The following TFDP2 variants were observed in gnomAD, a reference collection of about 807,000 sequenced individuals.
TFDP2 encodes the protein transcription factor Dp-2.
Under a neutral mutation model 59.3 loss-of-function variants are expected in TFDP2, and 17 were observed. The ratio of observed to expected loss-of-function variants is 0.29; its 90% confidence interval spans 0.20 to 0.43. The LOEUF is 0.43. Ranked by LOEUF, TFDP2 falls within the 20% of genes least tolerant of loss-of-function variation. The pLI, the probability that TFDP2 is intolerant of heterozygous loss-of-function variation, is 1.00. For missense variants in TFDP2, 391 were observed against 528.8 expected (o/e 0.74, Z 2.56); for synonymous variants, 180 against 194.7 (o/e 0.92, Z 0.63).
chr3:142,100,792 G>GGACA (rs758468068), intron 2 of TFDP2, among the ~76,000 whole-genome samples: 11 of 152,108 alleles, frequency 7.2e-5, no homozygotes, highest in Non-Finnish European at 1.3e-4. Flanking sequence ...AAGATGATTT[G>GGACA]GACAGACAGA....
At chr3:142,107,254 C>T (rs1187825947) in intron 1 of TFDP2, among the ~76,000 whole-genome samples, 2 of 146,908 alleles carry the variant, frequency 1.4e-5, no homozygotes, top group Non-Finnish European at 3.0e-5. Context: ...TTTTTCGAGA[C>T]GGAGTCTTGC....
At chr3:142,026,330 C>CAA (rs367909508) in intron 3 of TFDP2, among the ~76,000 whole-genome samples, 2 of 150,342 alleles carry the variant, frequency 1.3e-5, no homozygotes, top group Middle Eastern at 3.5e-3. Flanking sequence ...AAAAAAACAA[C>CAA]AAAAAAAAAC....
chr3:142,013,905 T>C (rs1944917844), intron 3 of TFDP2, among the ~76,000 whole-genome samples: 2 of 152,336 alleles, frequency 1.3e-5, no homozygotes, highest in Admixed American at 6.5e-5. Context: ...TAACTTTTTT[T>C]TCATGGCACA....
At position 141,950,015 on chromosome 3, in the gene TFDP2, CA is replaced by C. The variant is rs1258445300; in HGVS notation, c.*2497del. The C allele has an allele frequency of 4.6e-5, 7 of 151,990 alleles. No individual in the cohort carries two copies. Among genetic ancestry groups the C allele is most frequent in the South Asian group, 2.1e-4 (1 of 4,812 alleles). 9.4% of individuals were successfully genotyped at this position (151,990 alleles called of 1,614,324 possible). On this transcript the variant is annotated 3_prime_UTR_variant, in exon 13 of 13. Coordinates refer to ENST00000489671, the MANE Select transcript of TFDP2 (RefSeq NM_001178139.2). ...AGAGACAGGGTTTTGTCATGTTGCCCAGGCTGGTCTTGAACTCCTGAGCTCA... is the reference window on the plus strand; with the variant it reads ...AGAGACAGGGTTTTGTCATGTTGCCCGGCTGGTCTTGAACTCCTGAGCTCA...
chr3:142,134,832 T>C lies in TFDP2; in HGVS notation c.-93+14351A>G, dbSNP rs543112454. On this transcript the variant is annotated intron_variant, in intron 1 of 12. Transcript: ENST00000489671. ...AACAGTTTGTCAGAACACTTTATTA[T>C]ATACCTACAGTTAAGCAAAAAGAAA... Among the ~76,000 whole-genome samples, 4 of 152,182 alleles carry C rather than the reference T, an allele frequency of 2.6e-5. No individual in the cohort carries two copies. The East Asian group carries it at 7.7e-4, about 29-fold the overall frequency.
intron 3 of TFDP2, among the ~76,000 whole-genome samples, chr3:142,025,641 T>C (rs1306887137): frequency 6.6e-6 from 1 of 152,254 alleles, no homozygotes; most frequent in Non-Finnish European, 1.5e-5. Context: ...AAAAGTTCTT[T>C]AGGCAAATCT....
intron 3 of TFDP2, among the ~76,000 whole-genome samples, chr3:142,011,883 G>A (rs1944735969): frequency 6.6e-6 from 1 of 152,138 alleles, no homozygotes; most frequent in African/African-American, 2.4e-5. Flanking sequence ...AGGGAATACT[G>A]TAGAGCCTTT....
chr3:142,143,342 G>A (rs1239414782), intron 1 of TFDP2, among the ~76,000 whole-genome samples: 5 of 152,172 alleles, frequency 3.3e-5, no homozygotes, highest in African/African-American at 9.7e-5. Flanking sequence ...ATTGGTCTGG[G>A]CAAGAATTTC....
intron 3 of TFDP2, among the ~76,000 whole-genome samples, chr3:142,006,314 G>A (rs1944204546): frequency 6.6e-6 from 1 of 152,070 alleles, no homozygotes; most frequent in African/African-American, 2.4e-5. Context: ...TATCAAAGGA[G>A]ATCATCCATG....
Position 141,978,434 on chromosome 3 carries a change from T to C in TFDP2, c.519+86A>G, listed in dbSNP as rs990353704. 4.5e-6 allele frequency: 6 copies of C among 1,342,310 alleles called. No individual in the cohort carries two copies. In the African/African-American group the frequency reaches 9.0e-5, roughly 20 times the overall value. The allele number at this position is 1,342,310 out of a possible 1,614,324, so 83.1% of individuals were successfully genotyped here. A position where few individuals can be genotyped will look rare whatever the true frequency, so the allele number is the denominator to read the frequency against. ...TAAAGGATAAAACCCTCAAGTATAG[T>C]CGTGATTCCTCAAATCTATAACAAA... On this transcript the variant is annotated intron_variant, in intron 7 of 12. Transcript: ENST00000489671.
chr3:141,974,238 T>G, intron 7 of TFDP2, 47 bp from the exon 8 acceptor site: 1 of 1,501,344 alleles, frequency 6.7e-7, no homozygotes, highest in Non-Finnish European at 9.0e-7. Flanking sequence ...AGGGTTAAGA[T>G]ACAGTCACAT....
intron 1 of TFDP2, among the ~76,000 whole-genome samples, chr3:142,115,570 G>A (rs769134632): frequency 2.0e-5 from 3 of 152,052 alleles, no homozygotes; most frequent in South Asian, 2.1e-4. Flanking sequence ...CGCCGGCCTC[G>A]GCCTCCCAAA....
At chr3:142,094,988 TTTC>T (rs149977736) in intron 2 of TFDP2, among the ~76,000 whole-genome samples, 6,421 of 152,134 alleles carry the variant, frequency 0.042, 454 homozygotes, top group African/African-American at 0.15. Context: ...TACTTATATT[TTTC>T]TTCTTCTTTT....
At chr3:141,959,885 G>T in intron 10 of TFDP2, 45 bp from the exon 11 acceptor site, 2 of 1,592,624 alleles carry the variant, frequency 1.3e-6, no homozygotes. Context: ...GTGCTGGAGA[G>T]GTCTGAATAG....
At chr3:142,144,209 A>C (rs969919975) in intron 1 of TFDP2, among the ~76,000 whole-genome samples, 2 of 152,164 alleles carry the variant, frequency 1.3e-5, no homozygotes, top group Non-Finnish European at 2.9e-5. Flanking sequence ...CCCTGTCTCT[A>C]TTAAAAATAC....
intron 3 of TFDP2, among the ~76,000 whole-genome samples, chr3:142,011,469 T>G: frequency 8.2e-6 from 1 of 122,354 alleles, no homozygotes; most frequent in South Asian, 3.1e-4. Context: ...AGGGATAGCA[T>G]TGGGAGATAT....
At chr3:142,090,261 T>A (rs1265612995) in intron 3 of TFDP2, among the ~76,000 whole-genome samples, 1 of 152,176 alleles carries the variant, frequency 6.6e-6, no homozygotes, top group African/African-American at 2.4e-5. Context: ...ACCCTGGGCA[T>A]AGCAAAACCC....
intron 1 of TFDP2, among the ~76,000 whole-genome samples, chr3:142,119,167 A>C (rs978962557): frequency 2.0e-5 from 3 of 152,218 alleles, no homozygotes; most frequent in African/African-American, 7.2e-5. Flanking sequence ...TTTCAAAAAA[A>C]AAAAGTACAT....
Position 141,945,786 on chromosome 3 carries a change from C to T in TFDP2, c.*6727G>A, listed in dbSNP as rs149373994. 2.6e-5 allele frequency: 4 copies of T among 152,304 alleles called. No individual in the cohort carries two copies. Among genetic ancestry groups the T allele is most frequent in the Non-Finnish European group, 2.9e-5 (2 of 68,028 alleles). The allele number at this position is 152,304 out of a possible 1,614,324, so 9.4% of individuals were successfully genotyped here. ...GTGACAAATGGCATGCATTGAAGCA[C>T]GACAAGGGATGAGTTTTTAAATCCA... On this transcript the variant is annotated 3_prime_UTR_variant, in exon 13 of 13. Transcript: ENST00000489671.
Sources: allele counts gnomAD v4.1 joint callset (sites outside exome capture counted in the v4.1 genomes callset), GRCh38; gene constraint gnomAD v4.1.1; transcripts MANE v1.5; gene names NCBI Gene and HGNC (gene_info 2026-07-23, HGNC 2026-07-21).